PTPRT: variants seen among roughly 807,000 people sequenced by gnomAD.
PTPRT encodes the protein receptor-type tyrosine-protein phosphatase T.
PTPRT carries 56 observed loss-of-function variants against 176.8 expected under a neutral mutation model. The ratio of observed to expected loss-of-function variants is 0.32; its 90% CI spans 0.26 to 0.40. The LOEUF is 0.40. Among genes scored for constraint, PTPRT ranks in the 10% least tolerant of loss-of-function variants. The probability of loss-of-function intolerance (pLI) is 1.00; values close to 1 mark genes in which losing one functional copy is unlikely to be tolerated. For synonymous variants in PTPRT, 783 were observed against 739.0 expected (o/e 1.06, Z -0.96); for missense variants, 1,540 against 1,908.2 (o/e 0.81, Z 3.60).
At chr20:42,366,775 G>GC (rs11481420) in intron 9 of PTPRT, among the ~76,000 whole-genome samples, 79,970 of 151,998 alleles carry the variant, frequency 0.53, 21,427 homozygotes, top group Non-Finnish European at 0.57. Context: ...GCACATGTGA[G>GC]GAAGCTGATT....
chr20:42,794,681 C>T (rs1428882127), intron 2 of PTPRT, among the ~76,000 whole-genome samples: 3 of 152,202 alleles, frequency 2.0e-5, no homozygotes, highest in Non-Finnish European at 4.4e-5. Flanking sequence ...TATTCAGCTA[C>T]AAGTCCCTTT....
At chr20:42,876,228 A>C (rs1266295799) in intron 2 of PTPRT, among the ~76,000 whole-genome samples, 1 of 152,224 alleles carries the variant, frequency 6.6e-6, no homozygotes, top group Non-Finnish European at 1.5e-5. Context: ...GTACTGACTC[A>C]ACAATTGCTA....
chr20:42,651,446 G>T (rs1252981737), intron 7 of PTPRT, among the ~76,000 whole-genome samples: 1 of 152,160 alleles, frequency 6.6e-6, no homozygotes, highest in Non-Finnish European at 1.5e-5. Context: ...CTATGAGCTA[G>T]TCATATTTTG....
At chr20:42,503,656 G>A (rs903477765) in intron 7 of PTPRT, among the ~76,000 whole-genome samples, 1 of 151,922 alleles carries the variant, frequency 6.6e-6, no homozygotes, top group African/African-American at 2.4e-5. Flanking sequence ...TCGGAGTGCA[G>A]CATTTTATAC....
At chr20:43,106,367 G>C (rs1205773723) in intron 1 of PTPRT, among the ~76,000 whole-genome samples, 2 of 152,112 alleles carry the variant, frequency 1.3e-5, no homozygotes, top group Non-Finnish European at 2.9e-5. Context: ...TTTAGAAAGA[G>C]ACATATGTGG....
At chr20:42,384,353 A>G (rs2058723048) in intron 9 of PTPRT, among the ~76,000 whole-genome samples, 1 of 152,184 alleles carries the variant, frequency 6.6e-6, no homozygotes, top group Non-Finnish European at 1.5e-5. Context: ...GCAGTGGGGA[A>G]GGAGGCAAAT....
At chr20:42,587,369 G>T (rs6016835) in intron 7 of PTPRT, among the ~76,000 whole-genome samples, 1 of 152,182 alleles carries the variant, frequency 6.6e-6, no homozygotes, top group African/African-American at 2.4e-5. Context: ...CCACCGAAAG[G>T]TATGAGCCCT....
At position 42,074,543 on chromosome 20, in the gene PTPRT, A is replaced by T. The variant is rs1982587699; in HGVS notation, c.*6336T>A. 5.3e-6 allele frequency: 2 copies of T among 377,076 alleles called. No individual in the cohort carries two copies. Among genetic ancestry groups the T allele is most frequent in the East Asian group, 7.5e-5 (2 of 26,628 alleles). 23.4% of individuals were successfully genotyped at this position (377,076 alleles called of 1,614,324 possible). ...TCTCACCACCCAGAGCAGTTCTCAGATATAGAAGGAAGCCCCATAATGATC... is the reference window on the plus strand; with the variant it reads ...TCTCACCACCCAGAGCAGTTCTCAGTTATAGAAGGAAGCCCCATAATGATC... On this transcript the variant is annotated 3_prime_UTR_variant, in exon 31 of 31. Coordinates refer to ENST00000373187, the MANE Select transcript of PTPRT (RefSeq NM_007050.6).
At chr20:43,171,825 G>A (rs914616408) in intron 1 of PTPRT, among the ~76,000 whole-genome samples, 3 of 152,082 alleles carry the variant, frequency 2.0e-5, no homozygotes, top group Admixed American at 6.6e-5. Context: ...TGCCATTGAG[G>A]AACACAACCA....
At chr20:43,088,336 GTGTGTGTGT>G (rs2011689186) in intron 1 of PTPRT, among the ~76,000 whole-genome samples, 8 of 15,164 alleles carry the variant, frequency 5.3e-4, no homozygotes, top group South Asian at 2.6e-3. Flanking sequence ...GCTTTGGGGT[GTGTGTGTGT>G]GTGTGTGTGT....
At chr20:42,350,598 T>C in intron 11 of PTPRT, 30 bp downstream of exon 11, 1 of 1,530,612 alleles carries the variant, frequency 6.5e-7, no homozygotes, top group Admixed American at 1.7e-5. Context: ...GAAGAAAAAC[T>C]GCAGACTCCA....
chr20:42,574,027 G>C (rs574804110), intron 7 of PTPRT, among the ~76,000 whole-genome samples: 1 of 152,070 alleles, frequency 6.6e-6, no homozygotes, highest in Non-Finnish European at 1.5e-5. Flanking sequence ...GATTACAGGC[G>C]TGAGCCACCG....
chr20:42,058,125 C>G, the PTPRT span, among the ~76,000 whole-genome samples: 1 of 152,192 alleles, frequency 6.6e-6, no homozygotes, highest in Non-Finnish European at 1.5e-5. Context: ...AAGGCTGTTT[C>G]TCTCCAGTGC....
At chr20:42,726,092 TATTATA>T (rs1305935533) in intron 6 of PTPRT, among the ~76,000 whole-genome samples, 1 of 148,640 alleles carries the variant, frequency 6.7e-6, no homozygotes, top group African/African-American at 2.5e-5. Flanking sequence ...TTATTATTAT[TATTATA>T]GACTGAGTTT....
chr20:42,093,147 C>T (rs1176814338), intron 27 of PTPRT, among the ~76,000 whole-genome samples: 1 of 152,148 alleles, frequency 6.6e-6, no homozygotes, highest in Non-Finnish European at 1.5e-5. Flanking sequence ...GCTCTCTAAA[C>T]AGTATGGTGA....
chr20:42,260,650 G>A (rs117598058), intron 13 of PTPRT, among the ~76,000 whole-genome samples: 1 of 152,130 alleles, frequency 6.6e-6, no homozygotes, highest in Non-Finnish European at 1.5e-5. Flanking sequence ...AGCCAGTATA[G>A]AGCCAAGTAC....
At chr20:42,060,858 C>T in the PTPRT span, among the ~76,000 whole-genome samples, 1 of 152,186 alleles carries the variant, frequency 6.6e-6, no homozygotes, top group African/African-American at 2.4e-5. Context: ...AAGTTCCTTG[C>T]ATTTTACTTT....
intron 4 of PTPRT, among the ~76,000 whole-genome samples, chr20:42,778,451 C>G (rs6093731): frequency 1.3e-5 from 2 of 152,092 alleles, no homozygotes; most frequent in African/African-American, 4.8e-5. Context: ...CAGCTGTCAC[C>G]TACTAGAAAG....
chr20:42,124,896 C>T (rs1460403320), intron 19 of PTPRT, among the ~76,000 whole-genome samples: 3 of 152,116 alleles, frequency 2.0e-5, no homozygotes, highest in East Asian at 1.9e-4. Flanking sequence ...CTGTATGGAT[C>T]GCGCCATGGG....
Sources: gnomAD v4.1 joint callset for allele counts (sites outside exome capture counted in the v4.1 genomes callset) on GRCh38, gnomAD v4.1.1 for gene constraint, MANE v1.5 for transcripts, NCBI Gene and HGNC (gene_info 2026-07-23, HGNC 2026-07-21) for gene names.